Variants in AUTS2 observed in about 807,000 individuals in gnomAD.
AUTS2 encodes the protein autism susceptibility gene 2 protein.
In AUTS2, 17 loss-of-function variants were observed where a neutral mutation model predicts 112.4. That is an observed-to-expected ratio of 0.15 (90% CI 0.10 to 0.23). The LOEUF (loss-of-function observed/expected upper bound fraction) is 0.23. Ranked by LOEUF, AUTS2 falls within the 10% of genes least tolerant of loss-of-function variation. The pLI, the probability that AUTS2 is intolerant of heterozygous loss-of-function variation, is 1.00. For missense variants in AUTS2, 1,510 were observed against 1,701.6 expected (o/e 0.89, Z 1.98); for synonymous variants, 751 against 702.7 (o/e 1.07, Z -1.09).
In AUTS2 at chr7:70,205,724, G is replaced by A. The variant is rs538470199; in HGVS notation, c.660+71153G>A. On this transcript the variant is annotated intron_variant, in intron 4 of 18. Coordinates refer to ENST00000342771, the MANE Select transcript of AUTS2 (RefSeq NM_015570.4). The stretch of plus-strand genomic sequence containing the variant: ...CACTTAACAATACATTTCTCAGAAC[G>A]TATGCCCATTGTTAAGCAAAGCGAG... Among the ~76,000 whole-genome samples the A allele has an allele frequency of 2.0e-5, 3 of 152,114 alleles. No homozygotes were observed. In the South Asian group the frequency reaches 6.2e-4, roughly 31 times the overall value.
chr7:69,611,786 C>T (rs1052611687), intron 1 of AUTS2, among the ~76,000 whole-genome samples: 4 of 150,834 alleles, frequency 2.7e-5, no homozygotes, highest in South Asian at 2.1e-4. Context: ...AAAAATTAGC[C>T]GGGCGCGGTG....
rs138225659 is a variant in AUTS2, at chr7:69,830,911, G to A, written c.310-68375G>A. Reference sequence around the variant, plus strand: ...GGTGACTTGAAGGTATTGATTTGAGGAATGCCGATGGTTTTCATCTTCTTT... The same window carrying A: ...GGTGACTTGAAGGTATTGATTTGAGAAATGCCGATGGTTTTCATCTTCTTT... On this transcript the variant is annotated intron_variant, in intron 1 of 18. Transcript: ENST00000342771. Among the ~76,000 whole-genome samples, 329 of 152,218 alleles carry A rather than the reference G, an allele frequency of 2.2e-3. 2 individuals carry two copies. The highest frequency in any genetic ancestry group is 0.01 in the Middle Eastern group (3 of 294).
chr7:70,341,283 C>A (rs556680380), intron 4 of AUTS2, among the ~76,000 whole-genome samples: 24 of 152,184 alleles, frequency 1.6e-4, no homozygotes, highest in African/African-American at 5.3e-4. Flanking sequence ...ATTAACGGAC[C>A]GCAGCATAAA....
chr7:70,184,208 T>C (rs1809481316), intron 4 of AUTS2, among the ~76,000 whole-genome samples: 1 of 152,106 alleles, frequency 6.6e-6, no homozygotes, highest in South Asian at 2.1e-4. Context: ...TAAGTATAAT[T>C]ATGGTGCCTG....
intron 5 of AUTS2, among the ~76,000 whole-genome samples, chr7:70,592,157 T>G (rs974820843): frequency 6.6e-6 from 1 of 152,228 alleles, no homozygotes; most frequent in African/African-American, 2.4e-5. Flanking sequence ...GATATATATT[T>G]TACATATTTG....
intron 5 of AUTS2, among the ~76,000 whole-genome samples, chr7:70,660,233 A>T (rs1389645331): frequency 6.6e-6 from 1 of 152,150 alleles, no homozygotes; most frequent in Non-Finnish European, 1.5e-5. Context: ...GCAACTGTGC[A>T]TGGCATCCTT....
At chr7:70,085,451 C>T (rs536323948) in intron 2 of AUTS2, among the ~76,000 whole-genome samples, 5 of 151,844 alleles carry the variant, frequency 3.3e-5, no homozygotes, top group Non-Finnish European at 5.9e-5. Context: ...CTGCAACCTC[C>T]GCCTCTGTGT....
At chr7:69,704,241 G>A (rs1171325569) in intron 1 of AUTS2, among the ~76,000 whole-genome samples, 1 of 151,780 alleles carries the variant, frequency 6.6e-6, no homozygotes, top group African/African-American at 2.4e-5. Flanking sequence ...ACTCCTTAGT[G>A]TGCCATATTA....
intron 5 of AUTS2, among the ~76,000 whole-genome samples, chr7:70,653,300 C>A (rs1806606872): frequency 6.6e-6 from 1 of 152,104 alleles, no homozygotes; most frequent in South Asian, 2.1e-4. Flanking sequence ...GGAAACCTAA[C>A]CCTCAATATA....
intron 1 of AUTS2, among the ~76,000 whole-genome samples, chr7:69,721,399 G>T (rs746711240): frequency 2.0e-5 from 3 of 152,082 alleles, no homozygotes; most frequent in African/African-American, 7.2e-5. Context: ...CCCTTATTCC[G>T]CTTTTCTTCA....
chr7:69,959,699 A>C (rs1797355130), intron 2 of AUTS2, among the ~76,000 whole-genome samples: 1 of 152,156 alleles, frequency 6.6e-6, no homozygotes, highest in Non-Finnish European at 1.5e-5. Flanking sequence ...TACCTTTCTG[A>C]ACTATTTCTC....
At chr7:69,969,351 G>A (rs1437786923) in intron 2 of AUTS2, among the ~76,000 whole-genome samples, 1 of 152,156 alleles carries the variant, frequency 6.6e-6, no homozygotes, top group African/African-American at 2.4e-5. Context: ...AGCAGAGAAT[G>A]CTTCCATATG....
chr7:70,209,309 G>A (rs1239238014), intron 4 of AUTS2, among the ~76,000 whole-genome samples: 8 of 152,148 alleles, frequency 5.3e-5, no homozygotes, highest in Non-Finnish European at 2.9e-5. Flanking sequence ...GGTTGTATGA[G>A]GAAGAATTTA....
chr7:70,755,002 T>C (rs1259992053), intron 6 of AUTS2, among the ~76,000 whole-genome samples: 1 of 152,222 alleles, frequency 6.6e-6, no homozygotes, highest in Non-Finnish European at 1.5e-5. Context: ...TGGTTTTTTG[T>C]GTATTTTTGT....
intron 1 of AUTS2, among the ~76,000 whole-genome samples, chr7:69,751,374 T>A (rs1490392586): frequency 1.3e-5 from 2 of 149,242 alleles, no homozygotes; most frequent in East Asian, 3.9e-4. Context: ...GTTCAAAATA[T>A]TTTTTTTTTG....
chr7:70,292,656 G>A (rs1349566683), intron 4 of AUTS2: 1 of 152,138 alleles, frequency 6.6e-6, no homozygotes, highest in African/African-American at 2.4e-5. Flanking sequence ...TACATAGGAA[G>A]CCACTTCCAA....
At chr7:70,559,337 CT>C (rs560110467) in intron 5 of AUTS2, among the ~76,000 whole-genome samples, 174 of 144,836 alleles carry the variant, frequency 1.2e-3, no homozygotes, top group Admixed American at 1.2e-3. Context: ...TCCTTTCTTT[CT>C]TTTTTTTTTT....
intron 1 of AUTS2, among the ~76,000 whole-genome samples, chr7:69,645,924 A>G (rs1795000500): frequency 6.6e-6 from 1 of 151,992 alleles, no homozygotes; most frequent in African/African-American, 2.4e-5. Context: ...AGGACTCTAC[A>G]GTGATGACTG....
intron 2 of AUTS2, among the ~76,000 whole-genome samples, chr7:70,017,118 C>A (rs1800065388): frequency 6.6e-6 from 1 of 152,182 alleles, no homozygotes; most frequent in South Asian, 2.1e-4. Flanking sequence ...TGGCATTAGG[C>A]ACCAATCTAA....
Sources: allele counts gnomAD v4.1 joint callset (sites outside exome capture counted in the v4.1 genomes callset), GRCh38; gene constraint gnomAD v4.1.1; transcripts MANE v1.5; gene names NCBI Gene and HGNC (gene_info 2026-07-23, HGNC 2026-07-21).